THADA: variants seen among roughly 807,000 people sequenced by gnomAD.
THADA encodes tRNA (32-2'-O)-methyltransferase regulator THADA.
A neutral mutation model predicts 219.8 loss-of-function variants in THADA; 213 were observed. That is an observed-to-expected ratio of 0.97 (90% CI 0.87 to 1.09). THADA has a LOEUF of 1.09. Ranked by LOEUF, THADA falls within the 50% of genes least tolerant of loss-of-function variation. The pLI is 0.00. For synonymous variants in THADA, 1,018 were observed against 828.9 expected (o/e 1.23, Z -3.92); for missense variants, 2,956 against 2,311.3 (o/e 1.28, Z -5.72).
At chr2:43,426,021 C>T (rs887681699) in intron 28 of THADA, among the ~76,000 whole-genome samples, 2 of 152,202 alleles carry the variant, frequency 1.3e-5, no homozygotes, top group South Asian at 2.1e-4. Flanking sequence ...AAAGCAACTA[C>T]AACCGCAGCA....
At chr2:43,384,497 C>T (rs1672405048) in intron 29 of THADA, among the ~76,000 whole-genome samples, 4 of 152,184 alleles carry the variant, frequency 2.6e-5, no homozygotes, top group African/African-American at 7.2e-5. Context: ...ACTCAAATTT[C>T]TAGCATGTTC....
intron 28 of THADA, among the ~76,000 whole-genome samples, chr2:43,402,701 C>T (rs1240278584): frequency 6.6e-6 from 1 of 152,180 alleles, no homozygotes; most frequent in Non-Finnish European, 1.5e-5. Flanking sequence ...ACTGCCTAGG[C>T]CACAAGCAAC....
intron 27 of THADA, among the ~76,000 whole-genome samples, chr2:43,429,939 T>C (rs1028227417): frequency 2.7e-5 from 4 of 150,040 alleles, no homozygotes; most frequent in Non-Finnish European, 6.0e-5. Context: ...GAGGCCCAGG[T>C]GGGCAGATTG....
intron 26 of THADA, among the ~76,000 whole-genome samples, chr2:43,435,766 G>C (rs866831498): frequency 4.7e-4 from 66 of 139,204 alleles, no homozygotes; most frequent in African/African-American, 1.6e-3. Context: ...CTGGGCAAGA[G>C]TGAGAACTTG....
At chr2:43,274,801 G>C (rs1339437538) in intron 36 of THADA, among the ~76,000 whole-genome samples, 2 of 151,928 alleles carry the variant, frequency 1.3e-5, no homozygotes, top group Non-Finnish European at 2.9e-5. Context: ...CTGCCTGCTT[G>C]CCTACCCACT....
chr2:43,330,980 G>C (rs1679895713), intron 30 of THADA, among the ~76,000 whole-genome samples: 1 of 152,146 alleles, frequency 6.6e-6, no homozygotes, highest in Non-Finnish European at 1.5e-5. Flanking sequence ...ACAAATATCA[G>C]CTTAGATTAG....
intron 28 of THADA, among the ~76,000 whole-genome samples, chr2:43,413,885 T>C (rs1286966880): frequency 6.6e-6 from 1 of 152,242 alleles, no homozygotes; most frequent in Non-Finnish European, 1.5e-5. Flanking sequence ...ATTGTACAGT[T>C]GGCCCTCAGA....
At chr2:43,249,221 G>T (rs946143305) in intron 36 of THADA, among the ~76,000 whole-genome samples, 1 of 151,976 alleles carries the variant, frequency 6.6e-6, no homozygotes, top group Non-Finnish European at 1.5e-5. Context: ...CTGAGTAACT[G>T]GAACTACAGA....
intron 29 of THADA, among the ~76,000 whole-genome samples, chr2:43,359,793 T>TC (rs1374213111): frequency 3.3e-5 from 5 of 151,954 alleles, no homozygotes; most frequent in Non-Finnish European, 7.4e-5. Flanking sequence ...TGGATTTTTT[T>TC]TTTTTTCTTT....
chr2:43,462,571 T>C (rs1683762234), intron 26 of THADA, among the ~76,000 whole-genome samples: 1 of 152,216 alleles, frequency 6.6e-6, no homozygotes, highest in South Asian at 2.1e-4. Flanking sequence ...AAATGTAATA[T>C]ATGGAAATGA....
At chr2:43,391,618 G>C (rs1338636344) in intron 29 of THADA, among the ~76,000 whole-genome samples, 4 of 151,560 alleles carry the variant, frequency 2.6e-5, no homozygotes, top group Non-Finnish European at 5.9e-5. Context: ...TTTTTTAAGA[G>C]CCCAATGCTT....
chr2:43,453,525 C>A (rs558993370), intron 26 of THADA, among the ~76,000 whole-genome samples: 2 of 152,296 alleles, frequency 1.3e-5, no homozygotes. Flanking sequence ...TAACCTCTGG[C>A]TCCTGGGGCT....
intron 28 of THADA, among the ~76,000 whole-genome samples, chr2:43,416,280 G>A (rs1178707318): frequency 6.6e-6 from 1 of 152,206 alleles, no homozygotes; most frequent in Non-Finnish European, 1.5e-5. Context: ...TGTCTGTGGT[G>A]ACACATCTGT....
chr2:43,436,990 G>A (rs1680200529), intron 26 of THADA, among the ~76,000 whole-genome samples: 3 of 152,162 alleles, frequency 2.0e-5, no homozygotes, highest in Admixed American at 1.3e-4. Flanking sequence ...TGTCTACGAA[G>A]ATCTCTCCAA....
intron 7 of THADA, among the ~76,000 whole-genome samples, chr2:43,582,635 T>C (rs1312282279): frequency 7.3e-6 from 1 of 137,248 alleles, no homozygotes; most frequent in Non-Finnish European, 1.5e-5. Flanking sequence ...AGTGGTGCAA[T>C]CTGGGCTCAC....
chr2:43,550,284 G>T (rs1386172175), intron 19 of THADA, among the ~76,000 whole-genome samples: 1 of 152,048 alleles, frequency 6.6e-6, no homozygotes, highest in Non-Finnish European at 1.5e-5. Context: ...CTATTATTTT[G>T]ACTTATATTT....
intron 26 of THADA, among the ~76,000 whole-genome samples, chr2:43,439,806 T>A (rs1329921070): frequency 6.6e-6 from 1 of 152,192 alleles, no homozygotes; most frequent in Admixed American, 6.5e-5. Context: ...ACTACTGTAA[T>A]GTTCTATTTC....
At chr2:43,385,758 T>G (rs971114358) in intron 29 of THADA, among the ~76,000 whole-genome samples, 1 of 152,012 alleles carries the variant, frequency 6.6e-6, no homozygotes, top group African/African-American at 2.4e-5. Flanking sequence ...ACAGCACATG[T>G]AAGATGTTAA....
chr2:43,516,672 G>A (rs1691765440), intron 22 of THADA, among the ~76,000 whole-genome samples: 1 of 152,138 alleles, frequency 6.6e-6, no homozygotes, highest in African/African-American at 2.4e-5. Flanking sequence ...GTGGCAGAGG[G>A]AGAATTAAAA....
Sources: allele counts gnomAD v4.1 joint callset (sites outside exome capture counted in the v4.1 genomes callset), GRCh38; gene constraint gnomAD v4.1.1; transcripts MANE v1.5; gene names NCBI Gene and HGNC (gene_info 2026-07-23, HGNC 2026-07-21).